Variants in MCPH1 observed in about 807,000 individuals in gnomAD.
MCPH1 encodes microcephalin.
In MCPH1, 104 loss-of-function variants were observed where a neutral mutation model predicts 84.5. That is an observed-to-expected ratio of 1.23 (90% CI 1.05 to 1.45). MCPH1 has a LOEUF of 1.45. MCPH1 is among the 40% of genes most tolerant of loss of function. The pLI is 0.00. For synonymous variants in MCPH1, 514 were observed against 366.8 expected (o/e 1.40, Z -4.58); for missense variants, 1,498 against 1,005.7 (o/e 1.49, Z -6.62).
At chr8:6,641,720 C>T (rs1015522157) in intron 13 of MCPH1, among the ~76,000 whole-genome samples, 3 of 152,050 alleles carry the variant, frequency 2.0e-5, no homozygotes, top group Non-Finnish European at 4.4e-5. Flanking sequence ...GTCTAACCTG[C>T]GTGACTGAGC....
chr8:6,602,851 T>TTA (rs1829479030), intron 12 of MCPH1, among the ~76,000 whole-genome samples: 1 of 152,090 alleles, frequency 6.6e-6, no homozygotes, highest in Admixed American at 6.5e-5. Context: ...TTTTGGCTAT[T>TTA]TAAAGAGATG....
intron 13 of MCPH1, among the ~76,000 whole-genome samples, chr8:6,628,469 CAAA>C (rs34188003): frequency 0.024 from 1,012 of 41,472 alleles, 5 homozygotes; most frequent in African/African-American, 0.069. Flanking sequence ...GACTCTGTCT[CAAA>C]AAAAAAAAAA....
chr8:6,429,821 C>T (rs963754), intron 3 of MCPH1, among the ~76,000 whole-genome samples: 108,853 of 151,922 alleles, frequency 0.72, 41,180 homozygotes, highest in Non-Finnish European at 0.82. Context: ...CCTGACTGGC[C>T]TCCTCCTCCT....
At chr8:6,452,282 G>A (rs918105755) in intron 8 of MCPH1, among the ~76,000 whole-genome samples, 1 of 152,236 alleles carries the variant, frequency 6.6e-6, no homozygotes, top group Non-Finnish European at 1.5e-5. Context: ...TTCACACTGA[G>A]AGGTGAGTGA....
intron 3 of MCPH1, among the ~76,000 whole-genome samples, chr8:6,416,333 C>T (rs1270281562): frequency 1.3e-5 from 2 of 151,832 alleles, no homozygotes; most frequent in East Asian, 3.9e-4. Flanking sequence ...CTGGCCAGAA[C>T]CTCCAGCACA....
chr8:6,512,588 T>G (rs2922903), intron 12 of MCPH1, among the ~76,000 whole-genome samples: 55,855 of 152,028 alleles, frequency 0.37, 10,488 homozygotes, highest in Middle Eastern at 0.49. Flanking sequence ...ACAGTCTCAC[T>G]TCTCTGCCCC....
intron 6 of MCPH1, among the ~76,000 whole-genome samples, chr8:6,439,863 G>C (rs1312471620): frequency 6.6e-6 from 1 of 152,094 alleles, no homozygotes; most frequent in African/African-American, 2.4e-5. Flanking sequence ...AGTTCATCTT[G>C]ATACCCATCT....
In MCPH1 at chr8:6,424,052, T is replaced by G. The variant is rs1800676087; in HGVS notation, c.234-7447T>G. 2.0e-5 allele frequency among the ~76,000 whole-genome samples: 3 copies of G among 152,218 alleles called. 1 individual carries two copies. The South Asian group carries it at 6.2e-4, about 31-fold the overall frequency. ...CAATGCAGTAGCTCATGGTTTCCAC[T>G]GAAAATGTGAACATTAACTTCATAA... On this transcript the variant is annotated intron_variant, in intron 3 of 13. Transcript: ENST00000344683.
chr8:6,610,355 C>G (rs1830156915), intron 12 of MCPH1, among the ~76,000 whole-genome samples: 1 of 152,212 alleles, frequency 6.6e-6, no homozygotes, highest in Non-Finnish European at 1.5e-5. Context: ...TTTTACTTAA[C>G]CTAATCAAGC....
At chr8:6,554,754 A>G (rs1313786439) in intron 12 of MCPH1, among the ~76,000 whole-genome samples, 1 of 152,146 alleles carries the variant, frequency 6.6e-6, no homozygotes, top group African/African-American at 2.4e-5. Context: ...GAGCCCTCGG[A>G]GGGAGCGGGA....
chr8:6,529,882 G>T (rs529029533), intron 12 of MCPH1, among the ~76,000 whole-genome samples: 1 of 148,740 alleles, frequency 6.7e-6, no homozygotes, highest in Admixed American at 6.7e-5. Context: ...CACAATAGGC[G>T]TTTTTTTTTT....
chr8:6,517,940 C>T (rs1816587275), intron 12 of MCPH1, among the ~76,000 whole-genome samples: 1 of 152,190 alleles, frequency 6.6e-6, no homozygotes, highest in African/African-American at 2.4e-5. Context: ...TTATTGTTCC[C>T]TGCTGTGTAA....
chr8:6,455,098 G>C lies in MCPH1; in HGVS notation c.1826-45G>C, dbSNP rs1439272037. Reference sequence around the variant, plus strand: ...TTTTGTTTTGCTTAAGTTGTATTTGGTCCATGTAAAGTTCTAACTAATTTT... The same window carrying C: ...TTTTGTTTTGCTTAAGTTGTATTTGCTCCATGTAAAGTTCTAACTAATTTT... On this transcript the variant is annotated intron_variant, in intron 8 of 13. Coordinates refer to ENST00000344683, the MANE Select transcript of MCPH1 (RefSeq NM_024596.5). 3 of 1,431,882 alleles carry C rather than the reference G, an allele frequency of 2.1e-6. 1 individual carries two copies. The Middle Eastern group carries it at 5.2e-4, about 250-fold the overall frequency. 88.7% of individuals were successfully genotyped at this position (1,431,882 alleles called of 1,614,324 possible).
chr8:6,622,608 G>A (rs921548627), intron 13 of MCPH1, among the ~76,000 whole-genome samples: 11 of 152,126 alleles, frequency 7.2e-5, no homozygotes, highest in Non-Finnish European at 8.8e-5. Context: ...CAAACAACAC[G>A]CATTGTCTCT....
chr8:6,433,646 A>C (rs1484169645), intron 4 of MCPH1, among the ~76,000 whole-genome samples: 6 of 151,648 alleles, frequency 4.0e-5, no homozygotes, highest in Non-Finnish European at 5.9e-5. Flanking sequence ...AAAAAAAAAA[A>C]AAAAAAAAAC....
intron 12 of MCPH1, among the ~76,000 whole-genome samples, chr8:6,571,669 G>A (rs181571673): frequency 2.6e-5 from 4 of 151,946 alleles, no homozygotes; most frequent in Non-Finnish European, 5.9e-5. Context: ...TATCTCTCTT[G>A]GTTATAGGTT....
intron 10 of MCPH1, among the ~76,000 whole-genome samples, chr8:6,478,828 G>T (rs947295604): frequency 2.6e-5 from 4 of 152,146 alleles, no homozygotes; most frequent in African/African-American, 9.7e-5. Flanking sequence ...GGTTGAAGTA[G>T]TGATGAGGCC....
At chr8:6,551,211 G>A (rs942074355) in intron 12 of MCPH1, among the ~76,000 whole-genome samples, 1 of 151,212 alleles carries the variant, frequency 6.6e-6, no homozygotes, top group African/African-American at 2.4e-5. Context: ...GTTAAGCTGA[G>A]AGGGCTGCTT....
At chr8:6,563,983 T>C (rs1295796839) in intron 12 of MCPH1, among the ~76,000 whole-genome samples, 1 of 146,764 alleles carries the variant, frequency 6.8e-6, no homozygotes, top group East Asian at 2.0e-4. Context: ...AAACTTTTTT[T>C]TTTTTTTTTT....
Sources: allele counts gnomAD v4.1 joint callset (sites outside exome capture counted in the v4.1 genomes callset), GRCh38; gene constraint gnomAD v4.1.1; transcripts MANE v1.5; gene names NCBI Gene and HGNC (gene_info 2026-07-23, HGNC 2026-07-21).